PLCB1: variants seen among roughly 807,000 people sequenced by gnomAD.
PLCB1 encodes phospholipase C beta 1.
A neutral mutation model predicts 161.8 loss-of-function variants in PLCB1; 46 were observed. The observed-to-expected ratio is 0.28, with a 90% CI of 0.22 to 0.36. The LOEUF is 0.36. PLCB1 is among the 10% of genes least tolerant of loss of function. The pLI is 1.00. For missense variants in PLCB1, 1,016 were observed against 1,472.5 expected (o/e 0.69, Z 5.07); for synonymous variants, 517 against 503.7 (o/e 1.03, Z -0.35).
intron 3 of PLCB1, among the ~76,000 whole-genome samples, chr20:8,435,035 G>T (rs1423601028): frequency 6.6e-6 from 1 of 152,186 alleles, no homozygotes; most frequent in African/African-American, 2.4e-5. Flanking sequence ...GTAGTCCATG[G>T]TGTATAACAT....
intron 11 of PLCB1, among the ~76,000 whole-genome samples, chr20:8,698,766 C>T (rs1464061291): frequency 6.6e-6 from 1 of 152,120 alleles, no homozygotes; most frequent in Non-Finnish European, 1.5e-5. Flanking sequence ...GAGGCACAAA[C>T]AATCCTATGA....
intron 11 of PLCB1, among the ~76,000 whole-genome samples, chr20:8,699,539 T>A (rs1990653876): frequency 6.6e-6 from 1 of 152,134 alleles, no homozygotes; most frequent in African/African-American, 2.4e-5. Context: ...AGAAGTAGCA[T>A]TGAGAGCAAA....
At chr20:8,788,322 C>A in intron 27 of PLCB1, 127 bp from the exon 28 acceptor site, 1 of 810,948 alleles carries the variant, frequency 1.2e-6, no homozygotes, top group Non-Finnish European at 1.9e-6. Context: ...AGATGTCTGA[C>A]AACTTTAACT....
At chr20:8,169,109 G>A (rs376075455) in intron 2 of PLCB1, among the ~76,000 whole-genome samples, 68 of 152,058 alleles carry the variant, frequency 4.5e-4, no homozygotes, top group African/African-American at 1.5e-3. Context: ...TGGGTCAACA[G>A]GGCATGCGGT....
intron 12 of PLCB1, among the ~76,000 whole-genome samples, chr20:8,711,148 GAC>G (rs1470997607): frequency 6.6e-6 from 1 of 152,212 alleles, no homozygotes; most frequent in Non-Finnish European, 1.5e-5. Context: ...ACTAAAACAT[GAC>G]AGAGATGGGA....
rs149988389 is a variant in PLCB1 at position 8,587,496 on chromosome 20, G to A, written c.247-40798G>A. ...GGGACTTCATGTCATTCCAAAGAGT[G>A]AAAGAAAAACAGGAAAGCAGATGCG... On this transcript the variant is annotated intron_variant, in intron 3 of 31. Transcript: ENST00000338037. 2.2e-3 allele frequency among the ~76,000 whole-genome samples: 332 copies of A among 152,242 alleles called. 2 individuals are homozygous for A. The highest frequency in any genetic ancestry group is 0.01 in the Middle Eastern group (3 of 294).
chr20:8,501,765 G>T (rs1342005837), intron 3 of PLCB1, among the ~76,000 whole-genome samples: 1 of 151,470 alleles, frequency 6.6e-6, no homozygotes, highest in African/African-American at 2.4e-5. Context: ...CAGTCTTAAG[G>T]CCTTAACATG....
intron 2 of PLCB1, among the ~76,000 whole-genome samples, chr20:8,276,983 C>A (rs59651016): frequency 0.34 from 32,381 of 96,412 alleles, 4,760 homozygotes; most frequent in Middle Eastern, 0.41. Flanking sequence ...TCTTCTTCTT[C>A]TTCTTATTAT....
chr20:8,172,495 TAGG>T (rs1391586957), intron 2 of PLCB1, among the ~76,000 whole-genome samples: 1 of 152,150 alleles, frequency 6.6e-6, no homozygotes, highest in Non-Finnish European at 1.5e-5. Context: ...GGATCAGTAG[TAGG>T]AGGTGAGGTC....
At chr20:8,758,160 G>C (rs998881382) in intron 24 of PLCB1, among the ~76,000 whole-genome samples, 12 of 149,842 alleles carry the variant, frequency 8.0e-5, no homozygotes, top group Non-Finnish European at 1.3e-4. Context: ...TCCTTTCTTT[G>C]TCATACTAGA....
chr20:8,376,939 A>T (rs1384664034), intron 3 of PLCB1, among the ~76,000 whole-genome samples: 1 of 151,906 alleles, frequency 6.6e-6, no homozygotes, highest in Non-Finnish European at 1.5e-5. Context: ...AAAAAAAAAA[A>T]GAAAAAGAAA....
chr20:8,620,860 G>A (rs968371795), intron 3 of PLCB1, among the ~76,000 whole-genome samples: 5 of 151,836 alleles, frequency 3.3e-5, no homozygotes, highest in Non-Finnish European at 5.9e-5. Context: ...CTTAACAAAG[G>A]GAACATCGTG....
At chr20:8,747,584 G>C (rs576639073) in intron 23 of PLCB1, among the ~76,000 whole-genome samples, 2 of 152,248 alleles carry the variant, frequency 1.3e-5, no homozygotes, top group Admixed American at 6.5e-5. Context: ...ACATGTTCTT[G>C]TGAGTGAGCT....
At chr20:8,724,059 T>C (rs992669395) in intron 15 of PLCB1, among the ~76,000 whole-genome samples, 1 of 151,722 alleles carries the variant, frequency 6.6e-6, no homozygotes, top group Non-Finnish European at 1.5e-5. Flanking sequence ...GGGGCCTACC[T>C]GCGGGTGGAG....
intron 2 of PLCB1, among the ~76,000 whole-genome samples, chr20:8,278,978 T>TAAAAAAA (rs11311727): frequency 2.4e-5 from 3 of 123,736 alleles, no homozygotes; most frequent in African/African-American, 9.4e-5. Flanking sequence ...CAGTGTTTTT[T>TAAAAAAA]AAAAAAAAAA....
At chr20:8,181,927 C>T (rs2051848086) in intron 2 of PLCB1, among the ~76,000 whole-genome samples, 1 of 152,150 alleles carries the variant, frequency 6.6e-6, no homozygotes, top group South Asian at 2.1e-4. Flanking sequence ...TATGATTGTG[C>T]CACTGCACTC....
At position 8,248,835 on chromosome 20, in the gene PLCB1, G is replaced by A. The variant is rs111366406; in HGVS notation, c.177+98464G>A. Reference sequence around the variant, plus strand: ...ATTAGTAGGTGAAGGAAGGTGGTATGCAAGAATCAGCTTTAATATTATCCC... The same window carrying A: ...ATTAGTAGGTGAAGGAAGGTGGTATACAAGAATCAGCTTTAATATTATCCC... On this transcript the variant is annotated intron_variant, in intron 2 of 31. Transcript: ENST00000338037. 8.6e-5 allele frequency: 13 copies of A among 152,018 alleles called. 1 individual carries two copies. The highest frequency in any genetic ancestry group is 3.1e-4 in the African/African-American group (13 of 41,524). The allele number at this position is 152,018 out of a possible 1,614,324, so 9.4% of individuals were successfully genotyped here. A position where few individuals can be genotyped will look rare whatever the true frequency, so the allele number is the denominator to read the frequency against.
intron 9 of PLCB1, 58 bp from the exon 10 acceptor site, chr20:8,684,874 G>A: frequency 7.3e-7 from 1 of 1,365,254 alleles, no homozygotes; most frequent in Non-Finnish European, 1.0e-6. Flanking sequence ...AAAAAAAGAG[G>A]CGACTTGACA....
chr20:8,378,224 A>G (rs1209679153), intron 3 of PLCB1, among the ~76,000 whole-genome samples: 2 of 152,208 alleles, frequency 1.3e-5, no homozygotes, highest in East Asian at 3.8e-4. Context: ...GGAACCTTGA[A>G]GACATTATGC....
Sources: allele counts gnomAD v4.1 joint callset (sites outside exome capture counted in the v4.1 genomes callset), GRCh38; gene constraint gnomAD v4.1.1; transcripts MANE v1.5; gene names NCBI Gene and HGNC (gene_info 2026-07-23, HGNC 2026-07-21).